DNAH11: variants seen among roughly 807,000 people sequenced by gnomAD.
DNAH11 encodes axonemal beta dynein heavy chain 11.
A neutral mutation model predicts 526.0 loss-of-function variants in DNAH11; 442 were observed. The ratio of observed to expected loss-of-function variants is 0.84; its 90% confidence interval spans 0.78 to 0.91. DNAH11 has a LOEUF of 0.91. Among genes scored for constraint, DNAH11 ranks in the 40% least tolerant of loss-of-function variants. DNAH11 has a pLI of 0.00. For synonymous variants in DNAH11, 2,461 were observed against 1,935.9 expected, an observed-to-expected ratio of 1.27 and a Z score of -7.12; for missense variants, 6,989 against 5,448.7, an observed-to-expected ratio of 1.28 and a Z score of -8.90.
intron 45 of DNAH11, among the ~76,000 whole-genome samples, chr7:21,734,896 G>A (rs1226365472): frequency 1.3e-5 from 2 of 151,250 alleles, no homozygotes; most frequent in African/African-American, 2.4e-5. Context: ...AATCAACCGG[G>A]TGCAGTGGCT....
Position 21,901,166 on chromosome 7 carries a change from C to A in DNAH11, c.13463C>A (p.Pro4488His). 1 of 1,611,754 alleles carries A rather than the reference C, an allele frequency of 6.2e-7. No individual in the cohort carries two copies. Residue 4488 changes from proline (P) to histidine (H), a missense_variant, in exon 82 of 82, where the codon CCC (proline) becomes CAC (histidine). Pro to His is a moderately conservative substitution (Grantham distance 77). Coordinates refer to ENST00000409508, the MANE Select transcript of DNAH11 (RefSeq NM_001277115.2). ...CPVYRTKLRG[P>H]SYIWTFRLKS... Reference sequence around the variant, plus strand: ...GTGTATAGAACCAAACTGAGAGGCCCCAGCTACATCTGGACCTTCAGGCTG... The same window carrying A: ...GTGTATAGAACCAAACTGAGAGGCCACAGCTACATCTGGACCTTCAGGCTG...
intron 68 of DNAH11, among the ~76,000 whole-genome samples, chr7:21,857,464 T>C (rs1023473919): frequency 2.6e-5 from 4 of 152,044 alleles, no homozygotes; most frequent in South Asian, 4.1e-4. Context: ...TTGGTAGAAA[T>C]TGGCAAGCTT....
chr7:21,815,325 A>G (rs1789733070), intron 63 of DNAH11, among the ~76,000 whole-genome samples: 1 of 152,216 alleles, frequency 6.6e-6, no homozygotes, highest in Non-Finnish European at 1.5e-5. Context: ...CTATGTCTCT[A>G]AGGGAACTAT....
At chr7:21,673,534 T>G (rs1299382187) in intron 30 of DNAH11, among the ~76,000 whole-genome samples, 1 of 152,094 alleles carries the variant, frequency 6.6e-6, no homozygotes, top group Non-Finnish European at 1.5e-5. Flanking sequence ...AAGGGTGATC[T>G]CCACTGCCCA....
chr7:21,611,951 T>G lies in DNAH11; in HGVS notation c.3853-3163T>G, dbSNP rs77834415. On this transcript the variant is annotated intron_variant, in intron 20 of 81. Coordinates refer to ENST00000409508, the MANE Select transcript of DNAH11 (RefSeq NM_001277115.2). ...ATGCTCCAAACAATGCCAAATTTGC[T>G]TCTTAGAAAAGACTAACTCTATGGA... Among the ~76,000 whole-genome samples, 690 of 152,312 alleles carry G rather than the reference T, an allele frequency of 4.5e-3. 5 individuals carry two copies. Among genetic ancestry groups the G allele is most frequent in the African/African-American group, 0.016 (651 of 41,570 alleles).
intron 61 of DNAH11, among the ~76,000 whole-genome samples, chr7:21,795,188 T>C (rs1225987780): frequency 1.3e-5 from 2 of 152,206 alleles, no homozygotes; most frequent in East Asian, 3.9e-4. Flanking sequence ...ACATTTAACA[T>C]TTAAAAATGT....
At position 21,573,191 on chromosome 7, in the gene DNAH11, C is replaced by A. The variant is rs115176597; in HGVS notation, c.1593+1218C>A. Among the ~76,000 whole-genome samples the A allele has an allele frequency of 3.8e-3, 579 of 152,308 alleles. 2 individuals carry two copies. Among genetic ancestry groups the A allele is most frequent in the African/African-American group, 0.012 (508 of 41,568 alleles). ...CATGCCAAAGGTCCTGATTTTACTC[C>A]TGTCTCTGCCTAAAGCCTGCATAGT... On this transcript the variant is annotated intron_variant, in intron 8 of 81. Transcript: ENST00000409508.
At position 21,786,663 on chromosome 7, in the gene DNAH11, A is replaced by T; in HGVS notation, c.9637A>T (p.Ile3213Phe). Residue 3213 changes from isoleucine to phenylalanine, a missense_variant, in exon 59 of 82, where the codon ATC becomes TTC. Ile to Phe is a conservative substitution (Grantham distance 21). Transcript: ENST00000409508. ...SELKAFPNPP[I>F]AVTNVTAAVM... ...GCTGAAAGCCTTTCCCAACCCTCCC[A>T]TCGCAGTTACCAATGTTACTGCAGC... The T allele has an allele frequency of 6.2e-7, 1 of 1,613,512 alleles. No homozygotes were observed. Among genetic ancestry groups the T allele is most frequent in the Non-Finnish European group, 8.5e-7 (1 of 1,179,606 alleles).
At chr7:21,776,188 T>C (rs1051486477) in intron 56 of DNAH11, among the ~76,000 whole-genome samples, 1 of 152,162 alleles carries the variant, frequency 6.6e-6, no homozygotes, top group African/African-American at 2.4e-5. Flanking sequence ...TACTTCCCCT[T>C]AGCTAAGAAC....
chr7:21,689,884 AC>A (rs1185252176), intron 34 of DNAH11, among the ~76,000 whole-genome samples: 1 of 151,952 alleles, frequency 6.6e-6, no homozygotes, highest in Non-Finnish European at 1.5e-5. Flanking sequence ...GTTTCCCTCT[AC>A]CTGTCTCTCA....
intron 61 of DNAH11, among the ~76,000 whole-genome samples, chr7:21,799,364 T>G (rs1452801855): frequency 1.3e-5 from 2 of 151,664 alleles, no homozygotes; most frequent in African/African-American, 4.8e-5. Flanking sequence ...TAAGACGGAG[T>G]CTTGCTCTTG....
chr7:21,590,929 A>G lies in DNAH11; in HGVS notation c.2181A>G (p.Val727=), dbSNP rs1189760060. The G allele has an allele frequency of 1.4e-6, 2 of 1,478,736 alleles. No individual in the cohort carries two copies. The highest frequency in any genetic ancestry group is 1.5e-5 in the African/African-American group (1 of 68,102). The allele number at this position is 1,478,736 out of a possible 1,614,324, so 91.6% of individuals were successfully genotyped here. The change falls in exon 13 of 82, where the codon GTA becomes GTG. Residue 727 remains valine, a synonymous_variant. Transcript: ENST00000409508. The stretch of plus-strand genomic sequence containing the variant: ...TTGTATTTTAATAGCTAGTGGCTGT[A>G]TTGAGAGAAGTGAAATATCTTTTGA... The part of the protein sequence containing the change: ...CVNFDPKLVA[V]LREVKYLLML...
At chr7:21,602,515 A>T (rs1322458512) in intron 18 of DNAH11, among the ~76,000 whole-genome samples, 3 of 151,820 alleles carry the variant, frequency 2.0e-5, no homozygotes, top group African/African-American at 7.3e-5. Context: ...ACAGTCTCAC[A>T]ATTTAGATTC....
chr7:21,581,761 C>T (rs970739493), intron 8 of DNAH11, 144 bp from the exon 9 acceptor site: 32 of 604,438 alleles, frequency 5.3e-5, no homozygotes, highest in Non-Finnish European at 7.9e-5. Flanking sequence ...CTTGAACTTC[C>T]GTAGAATGCT....
intron 45 of DNAH11, among the ~76,000 whole-genome samples, chr7:21,733,502 T>C (rs938133230): frequency 4.6e-5 from 7 of 152,232 alleles, no homozygotes; most frequent in African/African-American, 1.4e-4. Flanking sequence ...TTCAGCTACC[T>C]ACAAGTATGA....
chr7:21,746,738 A>G (rs1435389221), intron 51 of DNAH11, among the ~76,000 whole-genome samples: 1 of 152,206 alleles, frequency 6.6e-6, no homozygotes, highest in East Asian at 1.9e-4. Context: ...TCCTGTCACC[A>G]CAACTAACTG....
At chr7:21,585,538 A>G (rs1210215941) in intron 9 of DNAH11, among the ~76,000 whole-genome samples, 3 of 152,240 alleles carry the variant, frequency 2.0e-5, no homozygotes, top group Non-Finnish European at 2.9e-5. Flanking sequence ...CTCTAATATA[A>G]AAGTATAGTA....
rs147955804 is a variant in DNAH11, at chr7:21,768,715, T to C, written c.9102+3126T>C. On this transcript the variant is annotated intron_variant, in intron 55 of 81. Transcript: ENST00000409508. Reference sequence around the variant, plus strand: ...GTGAAGGACATATTTTACTACTGTTTTCCACAACTGATGGCGAGAAAGTCC... The same window carrying C: ...GTGAAGGACATATTTTACTACTGTTCTCCACAACTGATGGCGAGAAAGTCC... 4.9e-3 allele frequency among the ~76,000 whole-genome samples: 743 copies of C among 152,344 alleles called. 4 individuals are homozygous for C. The highest frequency in any genetic ancestry group is 0.017 in the African/African-American group (715 of 41,568).
rs114009921 is a variant in DNAH11, at chr7:21,846,080, G to A, written c.10896+3332G>A. ...AGCAATGGCTTTTGTATATTAATCT[G>A]TATCCTGCAAATGTGCTATACCTGC... On this transcript the variant is annotated intron_variant, in intron 66 of 81. Coordinates refer to ENST00000409508, the MANE Select transcript of DNAH11 (RefSeq NM_001277115.2). Among the ~76,000 whole-genome samples, 452 of 152,258 alleles carry A rather than the reference G, an allele frequency of 3.0e-3. 2 individuals carry two copies. The highest frequency in any genetic ancestry group is 0.011 in the African/African-American group (439 of 41,546).
Sources: gnomAD v4.1 joint callset for allele counts (sites outside exome capture counted in the v4.1 genomes callset) on GRCh38, gnomAD v4.1.1 for gene constraint, MANE v1.5 for transcripts, NCBI Gene and HGNC (gene_info 2026-07-23, HGNC 2026-07-21) for gene names.